Variants in HDAC1 observed in about 807,000 individuals in gnomAD.
HDAC1 encodes the protein histone deacetylase 1.
A neutral mutation model predicts 65.5 loss-of-function variants in HDAC1; 18 were observed. That is an observed-to-expected ratio of 0.27 (90% confidence interval 0.19 to 0.41). The LOEUF is 0.41. Ranked by LOEUF, HDAC1 falls within the 10% of genes least tolerant of loss-of-function variation. The probability of loss-of-function intolerance (pLI) is 1.00; values close to 1 mark genes in which losing one functional copy is unlikely to be tolerated. For missense variants in HDAC1, 373 were observed against 625.2 expected, an observed-to-expected ratio of 0.60 and a Z score of 4.30; for synonymous variants, 211 against 227.9, an observed-to-expected ratio of 0.93 and a Z score of 0.67.
At chr1:32,310,742 C>T (rs1040835314) in intron 2 of HDAC1, among the ~76,000 whole-genome samples, 2 of 151,446 alleles carry the variant, frequency 1.3e-5, no homozygotes, top group Non-Finnish European at 1.5e-5. Context: ...CCCAGCTACT[C>T]GGGAGGCTGG....
At position 32,310,915 on chromosome 1, in the gene HDAC1, A is replaced by AGAAG. The variant is rs200343802; in HGVS notation, c.163-5741_163-5738dup. On this transcript the variant is annotated intron_variant, in intron 2 of 13. Coordinates refer to ENST00000373548, the MANE Select transcript of HDAC1 (RefSeq NM_004964.3). The stretch of plus-strand genomic sequence containing the variant: ...GAGGGAGGGAGAGAGAGAAAGACAA[A>AGAAG]GAAGGAAGGAAGAAAGGAAGGAAAG... Among the ~76,000 whole-genome samples, 8 of 151,702 alleles carry AGAAG rather than the reference A, an allele frequency of 5.3e-5. 1 individual carries two copies. Among genetic ancestry groups the AGAAG allele is most frequent in the African/African-American group, 1.9e-4 (8 of 41,346 alleles).
At chr1:32,305,119 A>G (rs1640894920) in intron 2 of HDAC1, among the ~76,000 whole-genome samples, 3 of 152,202 alleles carry the variant, frequency 2.0e-5, no homozygotes, top group Non-Finnish European at 2.9e-5. Flanking sequence ...GCCATACAGT[A>G]TTTATTATGT....
At chr1:32,302,060 AG>A (rs1640856059) in intron 1 of HDAC1, among the ~76,000 whole-genome samples, 1 of 152,200 alleles carries the variant, frequency 6.6e-6, no homozygotes, top group Non-Finnish European at 1.5e-5. Context: ...TGTGAATTGA[AG>A]GTAGAGGGAC....
In HDAC1 at chr1:32,329,218, G is replaced by C; in HGVS notation, c.729+58G>C. ...ACAGGGGATTGGTTGGCGGTGGAGG[G>C]GAGCAAAGCACCCCCACCATACCTC... On this transcript the variant is annotated intron_variant, in intron 7 of 13. Coordinates refer to ENST00000373548, the MANE Select transcript of HDAC1 (RefSeq NM_004964.3). This position sits in a 1 kb window ranked among gnomAD's most constrained non-coding sequence, Gnocchi z 4.1. 7 of 1,000,288 alleles carry C rather than the reference G, an allele frequency of 7.0e-6. No individual in the cohort carries two copies. In the South Asian group the frequency reaches 8.9e-5, roughly 13 times the overall value. 62.0% of individuals were successfully genotyped at this position (1,000,288 alleles called of 1,614,324 possible). A position where few individuals can be genotyped will look rare whatever the true frequency, so the allele number is the denominator to read the frequency against.
intron 1 of HDAC1, among the ~76,000 whole-genome samples, chr1:32,302,021 A>G (rs1264373036): frequency 6.6e-6 from 1 of 152,192 alleles, no homozygotes; most frequent in Non-Finnish European, 1.5e-5. Context: ...GGATTAGGAA[A>G]ATAACTCTGG....
intron 11 of HDAC1, 45 bp from the exon 12 acceptor site, chr1:32,332,045 C>G (rs1557613785): frequency 6.6e-7 from 1 of 1,511,704 alleles, no homozygotes. Flanking sequence ...TGAGCTAAAT[C>G]AGCACCCGCC....
chr1:32,316,622 C>T (rs1205098181), intron 2 of HDAC1, 43 bp from the exon 3 acceptor site: 11 of 1,065,730 alleles, frequency 1.0e-5, no homozygotes, highest in African/African-American at 6.2e-5. Flanking sequence ...CTGGACTGGC[C>T]GTGGTCAAAA....
intron 2 of HDAC1, among the ~76,000 whole-genome samples, chr1:32,307,052 C>T (rs1309578904): frequency 6.6e-6 from 1 of 152,090 alleles, no homozygotes; most frequent in African/African-American, 2.4e-5. Context: ...TCGAGACCAC[C>T]TTGATTAACA....
chr1:32,319,881 C>T (rs1382746820), intron 3 of HDAC1, among the ~76,000 whole-genome samples: 3 of 151,978 alleles, frequency 2.0e-5, no homozygotes, highest in Non-Finnish European at 4.4e-5. Flanking sequence ...CGCCACCACA[C>T]TCCAGCCTGG....
At chr1:32,315,282 C>G (rs1415810680) in intron 2 of HDAC1, among the ~76,000 whole-genome samples, 1 of 152,032 alleles carries the variant, frequency 6.6e-6, no homozygotes, top group African/African-American at 2.4e-5. Flanking sequence ...TCATTAGATA[C>G]CCTTTTTTCG....
chr1:32,329,832 TGAA>T lies in HDAC1; in HGVS notation c.729+677_729+679del, dbSNP rs1641266768. 1 of 156,232 alleles carries T rather than the reference TGAA, an allele frequency of 6.4e-6. No individual in the cohort carries two copies. Among genetic ancestry groups the T allele is most frequent in the African/African-American group, 2.4e-5 (1 of 41,414 alleles). The allele number at this position is 156,232 out of a possible 1,614,324, so 9.7% of individuals were successfully genotyped here. On this transcript the variant is annotated intron_variant, in intron 7 of 13. Transcript: ENST00000373548. The surrounding 1 kb of genome is among the most constrained non-coding windows in gnomAD (Gnocchi z 4.1). ...TTTGGAAAATGAGGAGGTGCCCATG[TGAA>T]GAAGGAGGTGATGGCAGTAAGGGTG...
Position 32,331,774 on chromosome 1 carries a change from A to G in HDAC1, c.1187A>G (p.Glu396Gly), listed in dbSNP as rs1485539786. 1.9e-6 allele frequency: 3 copies of G among 1,613,900 alleles called. No individual in the cohort carries two copies. Among genetic ancestry groups the G allele is most frequent in the Non-Finnish European group, 2.5e-6 (3 of 1,179,880 alleles). Reference protein sequence around the residue: ...EDAIPEESGDEDEDDPDKRIS... With the variant: ...EDAIPEESGDGDEDDPDKRIS... ...GCCATCCCTGAGGAGAGTGGCGATG[A>G]GGACGAAGACGACCCTGACAAGCGC... The change falls in exon 11 of 14, where the codon GAG becomes GGG. Residue 396 changes from glutamate to glycine, a missense_variant. Coordinates refer to ENST00000373548, the MANE Select transcript of HDAC1 (RefSeq NM_004964.3). The surrounding 1 kb of genome is among the most constrained non-coding windows in gnomAD (Gnocchi z 4.2).
At position 32,333,108 on chromosome 1, in the gene HDAC1, T is replaced by G; in HGVS notation, c.*64T>G. The stretch of plus-strand genomic sequence containing the variant: ...ACGTTTCTTCCCCAACCCCTCAGAT[T>G]TTATATTTTCTATTTCTCTGTGTAT... On this transcript the variant is annotated 3_prime_UTR_variant, in exon 14 of 14. Transcript: ENST00000373548. 1.6e-6 allele frequency: 2 copies of G among 1,289,508 alleles called. No homozygotes were observed. Among genetic ancestry groups the G allele is most frequent in the East Asian group, 4.8e-5 (2 of 41,496 alleles). The allele number at this position is 1,289,508 out of a possible 1,614,324, so 79.9% of individuals were successfully genotyped here.
chr1:32,329,069 A>G lies in HDAC1; in HGVS notation c.638A>G (p.Asp213Gly). The G allele has an allele frequency of 1.3e-6, 2 of 1,590,900 alleles. No homozygotes were observed. The highest frequency in any genetic ancestry group is 1.7e-6 in the Non-Finnish European group (2 of 1,159,120). The change falls in exon 7 of 14, where the codon GAT (aspartate) becomes GGT (glycine). Residue 213 changes from aspartate to glycine, a missense_variant and splice_region_variant. By Grantham distance (94) the Asp-to-Gly change is moderately conservative. Around this residue, in one of 4 missense-constraint regions of HDAC1, gnomAD observed 62 missense variants for 180.0 expected, o/e 0.34. Coordinates refer to ENST00000373548, the MANE Select transcript of HDAC1 (RefSeq NM_004964.3). This position sits in a 1 kb window ranked among gnomAD's most constrained non-coding sequence, Gnocchi z 4.1. The stretch of plus-strand genomic sequence containing the variant: ...TACTTTAATGGCCTTTTTAATTAGG[A>G]TATCGGGGCTGGCAAAGGCAAGTAT... The part of the protein sequence containing the change: ...EYFPGTGDLR[D>G]IGAGKGKYYA...
intron 1 of HDAC1, among the ~76,000 whole-genome samples, chr1:32,295,306 TGGGA>T (rs1172833445): frequency 6.6e-6 from 1 of 151,346 alleles, no homozygotes; most frequent in Non-Finnish European, 1.5e-5. Flanking sequence ...GAGGCTGAAG[TGGGA>T]GGATCACTTG....
intron 1 of HDAC1, among the ~76,000 whole-genome samples, chr1:32,300,339 TTGAGG>T (rs1640829857): frequency 6.6e-6 from 1 of 152,046 alleles, no homozygotes; most frequent in Non-Finnish European, 1.5e-5. Flanking sequence ...GGCATATCAC[TTGAGG>T]TGAGGAGTTC....
At chr1:32,295,570 A>C (rs1640758302) in intron 1 of HDAC1, among the ~76,000 whole-genome samples, 1 of 152,152 alleles carries the variant, frequency 6.6e-6, no homozygotes, top group Admixed American at 6.6e-5. Context: ...GAAGGTGGAA[A>C]GGCAAAAAAG....
rs200178424 is a variant in HDAC1, at chr1:32,333,035, G to C, written c.1440G>C (p.Lys480Asn). Residue 480 changes from lysine to asparagine, a missense_variant, in exon 14 of 14, where the codon AAG becomes AAC. Physicochemically the swap from Lys to Asn is moderately conservative, Grantham distance 94 (BLOSUM62 0). Coordinates refer to ENST00000373548, the MANE Select transcript of HDAC1 (RefSeq NM_004964.3). Reference sequence around the variant, plus strand: ...TCCACAGGGTCAAGGAGGAGGTCAAGTTGGCCTGAATGGACCTCTCCAGCT... The same window carrying C: ...TCCACAGGGTCAAGGAGGAGGTCAACTTGGCCTGAATGGACCTCTCCAGCT... ...PEAKGVKEEV[K>N]LA 1 of 1,613,756 alleles carries C rather than the reference G, an allele frequency of 6.2e-7. No homozygotes were observed.
At chr1:32,292,878 A>T (rs2124392335) in intron 1 of HDAC1, among the ~76,000 whole-genome samples, 1 of 152,282 alleles carries the variant, frequency 6.6e-6, no homozygotes, top group South Asian at 2.1e-4. Flanking sequence ...AGGGGAGCAC[A>T]GAGAAGAGGC....
Sources: allele counts gnomAD v4.1 joint callset (sites outside exome capture counted in the v4.1 genomes callset), GRCh38; gene constraint gnomAD v4.1.1; regional missense constraint gnomAD v4.1.1; non-coding constraint Gnocchi (gnomAD v3.1); transcripts MANE v1.5; gene names NCBI Gene and HGNC (gene_info 2026-07-23, HGNC 2026-07-21).